LAMB2: variants seen among roughly 807,000 people sequenced by gnomAD.
LAMB2 encodes laminin subunit beta-2.
A neutral mutation model predicts 202.7 loss-of-function variants in LAMB2; 119 were observed. The observed-to-expected ratio is 0.59, with a 90% CI of 0.51 to 0.68. LAMB2 has a LOEUF of 0.68. LAMB2 is among the 30% of genes least tolerant of loss of function. The pLI is 0.00. For synonymous variants in LAMB2, 818 were observed against 902.2 expected (o/e 0.91, Z 1.67); for missense variants, 2,124 against 2,410.6 (o/e 0.88, Z 2.49).
rs760355583 is a variant in LAMB2, at chr3:49,121,511, G to A, written c.5182C>T (p.Gln1728Ter). The A allele has an allele frequency of 5.0e-6, 8 of 1,614,068 alleles. No individual in the cohort carries two copies. The South Asian group carries it at 8.8e-5, about 18-fold the overall frequency. ...TCCCGCAGTTGTTCTGCCCTTGCCT[G>A]TGCAGCCAGCACACCTTGGGCCTTG... Reference protein sequence around the residue: ...ERKAQGVLAAQARAEQLRDEA... With the variant: ...ERKAQGVLAA The change falls in exon 31 of 32, where the codon CAG (glutamine) becomes TAG (stop). Residue 1728 changes from glutamine to a stop codon, truncating the protein, a stop_gained. Coordinates refer to ENST00000305544, the MANE Select transcript of LAMB2 (RefSeq NM_002292.4). LOFTEE classifies it high-confidence loss of function.
Position 49,131,356 on chromosome 3 carries a change from G to T in LAMB2, c.712+23C>A, listed in dbSNP as rs763303351. ...CCCTAGCCGGACACGGACTGTGCCA[G>T]ACTCAAAGGGTGGAGCACTCACTCT... On this transcript the variant is annotated intron_variant, in intron 6 of 31. Transcript: ENST00000305544. This position sits in a 1 kb window ranked among gnomAD's most constrained non-coding sequence, Gnocchi z 5.0. The T allele has an allele frequency of 1.4e-5, 23 of 1,612,530 alleles. No individual in the cohort carries two copies. The South Asian group carries it at 2.3e-4, about 16-fold the overall frequency.
In LAMB2 at chr3:49,129,496, C is replaced by T. The variant is rs1040108937; in HGVS notation, c.1518+108G>A. 8.9e-7 allele frequency: 1 copy of T among 1,118,292 alleles called. No individual in the cohort carries two copies. The highest frequency in any genetic ancestry group is 1.3e-6 in the Non-Finnish European group (1 of 748,942). The allele number at this position is 1,118,292 out of a possible 1,614,324, so 69.3% of individuals were successfully genotyped here. On this transcript the variant is annotated intron_variant, in intron 11 of 31. Coordinates refer to ENST00000305544, the MANE Select transcript of LAMB2 (RefSeq NM_002292.4). The surrounding 1 kb of genome is among the most constrained non-coding windows in gnomAD (Gnocchi z 6.1). Reference sequence around the variant, plus strand: ...CAGACCTGAGGCTTCTCAGCCAGGACTGGATCCTAAGCTCTCAGCACCCAC... The same window carrying T: ...CAGACCTGAGGCTTCTCAGCCAGGATTGGATCCTAAGCTCTCAGCACCCAC...
chr3:49,125,556 CA>C, intron 18 of LAMB2, 72 bp from the exon 19 acceptor site: 1 of 1,416,888 alleles, frequency 7.1e-7, no homozygotes, highest in South Asian at 1.2e-5. Context: ...GGGAGGGTCT[CA>C]GGGGAGTGTG....
In LAMB2 at chr3:49,130,804, A is replaced by T; in HGVS notation, c.972T>A (p.Cys324Ter). ...AGGGCAGGTCACGATAGAAATCCTG[A>T]CACTGCTCGCAGTTGAGGCCACGTG... ...HNTRGLNCEQ[C>*]QDFYRDLPWR... Residue 324 changes from cysteine (C) to a stop codon, truncating the protein, a stop_gained, in exon 8 of 32, where the codon TGT (cysteine) becomes TGA (stop). Transcript: ENST00000305544. LOFTEE classifies it high-confidence loss of function. The surrounding 1 kb of genome is among the most constrained non-coding windows in gnomAD (Gnocchi z 5.0). 1 of 1,614,148 alleles carries T rather than the reference A, an allele frequency of 6.2e-7. No individual in the cohort carries two copies. The highest frequency in any genetic ancestry group is 8.5e-7 in the Non-Finnish European group (1 of 1,180,022).
Position 49,123,060 on chromosome 3 carries a change from G to T in LAMB2, c.4225-8C>A. 6.2e-7 allele frequency: 1 copy of T among 1,606,680 alleles called. No homozygotes were observed. Among genetic ancestry groups the T allele is most frequent in the Non-Finnish European group, 8.5e-7 (1 of 1,179,962 alleles). On this transcript the variant is annotated splice_region_variant and splice_polypyrimidine_tract_variant and intron_variant, in intron 26 of 31. Transcript: ENST00000305544. ...CCCTGGTGCCCCACACACCTGCCAG[G>T]CACAGAACAAGTCAGGGCCCTGTGA...
intron 18 of LAMB2, 60 bp from the exon 19 acceptor site, chr3:49,125,544 G>T (rs966729121): frequency 3.0e-5 from 44 of 1,442,628 alleles, no homozygotes; most frequent in Non-Finnish European, 3.5e-5. Context: ...GAGTGTGGGT[G>T]GGGGAGGGTC....
At chr3:49,128,892 C>G in intron 13 of LAMB2, 73 bp from the exon 14 acceptor site, 4 of 1,600,444 alleles carry the variant, frequency 2.5e-6, no homozygotes, top group Non-Finnish European at 3.4e-6. Context: ...AGCCCCAAAC[C>G]CCATTTCTCC....
chr3:49,132,684 A>G lies in LAMB2; in HGVS notation c.77-21T>C. ...CAGCACTGGGGACAGTAGCTCAGTC[A>G]GTTCCGCTGAGTTCCTATCCAGTGG... On this transcript the variant is annotated intron_variant, in intron 1 of 31. Transcript: ENST00000305544. This position sits in a 1 kb window ranked among gnomAD's most constrained non-coding sequence, Gnocchi z 4.6. 6.2e-7 allele frequency: 1 copy of G among 1,614,150 alleles called. No individual in the cohort carries two copies. The highest frequency in any genetic ancestry group is 1.3e-5 in the African/African-American group (1 of 75,056).
In LAMB2 at chr3:49,123,833, A is replaced by G. The variant is rs778293391; in HGVS notation, c.3692T>C (p.Phe1231Ser). Residue 1231 changes from phenylalanine (F) to serine (S), a missense_variant, in exon 24 of 32, where the codon TTC becomes TCC. This residue lies in a region of LAMB2 where 1,702 missense variants were observed against 1,896.3 expected (regional missense o/e 0.90). Coordinates refer to ENST00000305544, the MANE Select transcript of LAMB2 (RefSeq NM_002292.4). Reference protein sequence around the residue: ...TGVLGAFESSFWHMQEKLGIV... With the variant: ...TGVLGAFESSSWHMQEKLGIV... Reference sequence around the variant, plus strand: ...GCCCAGCTTCTCCTGCATGTGCCAGAAGCTGCTCTCAAAGGCACCCAGCAC... The same window carrying G: ...GCCCAGCTTCTCCTGCATGTGCCAGGAGCTGCTCTCAAAGGCACCCAGCAC... 8.7e-6 allele frequency: 14 copies of G among 1,613,156 alleles called. No homozygotes were observed. The East Asian group carries it at 3.1e-4, about 36-fold the overall frequency.
rs148956392 is a variant in LAMB2 at position 49,130,255 on chromosome 3, G to C, written c.1201C>G (p.Leu401Val). The stretch of plus-strand genomic sequence containing the variant: ...CAGCGGCACACAGCCGGATCCCGCA[G>C]GTCCTTGGTTGGGTCACGGTAGAAG... The part of the protein sequence containing the change: ...PFFYRDPTKD[L>V]RDPAVCRSCD... Residue 401 changes from leucine (L) to valine (V), a missense_variant, in exon 9 of 32, where the codon CTG (leucine) becomes GTG (valine). Transcript: ENST00000305544. The surrounding 1 kb of genome is among the most constrained non-coding windows in gnomAD (Gnocchi z 5.0). 88 of 1,614,238 alleles carry C rather than the reference G, an allele frequency of 5.5e-5. No individual in the cohort carries two copies. The African/African-American group carries it at 8.4e-4, about 15-fold the overall frequency.
Position 49,129,320 on chromosome 3 carries a change from C to T in LAMB2, c.1523G>A (p.Gly508Asp). Reference sequence around the variant, plus strand: ...CAGGTCGTGGCTCAGGCCCCAGTGGCCAGGCTGCACGAAAGGAGTTGCTGG... The same window carrying T: ...CAGGTCGTGGCTCAGGCCCCAGTGGTCAGGCTGCACGAAAGGAGTTGCTGG... ...TGRGCDRCLP[G>D]HWGLSHDLLG... is the part of the protein sequence containing the mutation. The change falls in exon 12 of 32, where the codon GGC (glycine) becomes GAC (aspartate). Residue 508 changes from glycine to aspartate, a missense_variant. Gly to Asp is a moderately conservative substitution (Grantham distance 94, BLOSUM62 -1). Coordinates refer to ENST00000305544, the MANE Select transcript of LAMB2 (RefSeq NM_002292.4). The surrounding 1 kb of genome is among the most constrained non-coding windows in gnomAD (Gnocchi z 6.1). The T allele has an allele frequency of 6.2e-7, 1 of 1,611,964 alleles. No individual in the cohort carries two copies. The highest frequency in any genetic ancestry group is 8.5e-7 in the Non-Finnish European group (1 of 1,179,280).
At position 49,132,874 on chromosome 3, in the gene LAMB2, G is replaced by A. The variant is rs761229276; in HGVS notation, c.-7C>T. On this transcript the variant is annotated 5_prime_UTR_variant, in exon 1 of 32. Transcript: ENST00000305544. This position sits in a 1 kb window ranked among gnomAD's most constrained non-coding sequence, Gnocchi z 4.6. ...CCCTTGAGGTCAGCTCCATCCTGAA[G>A]AGGGGAACAGGGATAAGGGGAGGTG... 1 of 1,613,808 alleles carries A rather than the reference G, an allele frequency of 6.2e-7. No homozygotes were observed. The highest frequency in any genetic ancestry group is 1.7e-5 in the Admixed American group (1 of 60,026).
chr3:49,132,492 T>A lies in LAMB2; in HGVS notation c.248A>T (p.Gln83Leu). The change falls in exon 2 of 32, where the codon CAG (glutamine) becomes CTG (leucine). Residue 83 changes from glutamine (Q) to leucine (L), a missense_variant and splice_region_variant. By Grantham distance (113) the Gln-to-Leu change is moderately radical (BLOSUM62 -2). Transcript: ENST00000305544. The surrounding 1 kb of genome is among the most constrained non-coding windows in gnomAD (Gnocchi z 4.6). ...PQPYCIVSHL[Q>L]DEKKCFLCDS... ...GTCACACCCTGTCCCCAGCCACACC[T>A]GCAGGTGACTGACGATGCAGTAGGG... The A allele has an allele frequency of 6.2e-7, 1 of 1,614,004 alleles. No homozygotes were observed. Among genetic ancestry groups the A allele is most frequent in the Middle Eastern group, 1.6e-4 (1 of 6,062 alleles).
chr3:49,129,376 C>A lies in LAMB2; in HGVS notation c.1519-52G>T, dbSNP rs548581827. On this transcript the variant is annotated intron_variant, in intron 11 of 31. Coordinates refer to ENST00000305544, the MANE Select transcript of LAMB2 (RefSeq NM_002292.4). This position sits in a 1 kb window ranked among gnomAD's most constrained non-coding sequence, Gnocchi z 6.1. ...AGAAACAGACCTCCAGACCCCATCACCACCCAGCAGGAAATCCCAACCACA... is the reference window on the plus strand; with the variant it reads ...AGAAACAGACCTCCAGACCCCATCAACACCCAGCAGGAAATCCCAACCACA... The A allele has an allele frequency of 1.0e-4, 151 of 1,511,704 alleles. No individual in the cohort carries two copies. The highest frequency in any genetic ancestry group is 1.1e-4 in the Non-Finnish European group (124 of 1,094,730). 93.6% of individuals were successfully genotyped at this position (1,511,704 alleles called of 1,614,324 possible).
In LAMB2 at chr3:49,132,654, G is replaced by A. The variant is rs777691402; in HGVS notation, c.86C>T (p.Ala29Val). 21 of 1,614,002 alleles carry A rather than the reference G, an allele frequency of 1.3e-5. No homozygotes were observed. The highest frequency in any genetic ancestry group is 1.7e-5 in the Non-Finnish European group (20 of 1,180,026). The change falls in exon 2 of 32, where the codon GCC (alanine) becomes GTC (valine). Residue 29 changes from alanine to valine, a missense_variant. Physicochemically the swap from Ala to Val is moderately conservative, Grantham distance 64. This residue lies in a region of LAMB2 where 166 missense variants were observed against 158.2 expected (regional missense o/e 1.05). Transcript: ENST00000305544. The surrounding 1 kb of genome is among the most constrained non-coding windows in gnomAD (Gnocchi z 4.6). ...CGGGGCAGGGGCCTGTGCCAGTGTG[G>A]CAGCCAGCACTGGGGACAGTAGCTC... ...RLGLLLSVLA[A>V]TLAQAPAPDV... is the part of the protein sequence containing the mutation.
At position 49,121,776 on chromosome 3, in the gene LAMB2, G is replaced by C; in HGVS notation, c.5008C>G (p.Leu1670Val). Residue 1670 changes from leucine to valine, a missense_variant, in exon 30 of 32, where the codon CTG becomes GTG. Leu to Val is a conservative substitution (Grantham distance 32). Coordinates refer to ENST00000305544, the MANE Select transcript of LAMB2 (RefSeq NM_002292.4). ...CTATTTCCTGCCCGTTTCAATTTCA[G>C]AGCCTCCAGGAGAGCATCCAACTGC... Reference protein sequence around the residue: ...ARQLDALLEALKLKRAGNSLA... With the variant: ...ARQLDALLEAVKLKRAGNSLA... The C allele has an allele frequency of 6.2e-7, 1 of 1,613,476 alleles. No individual in the cohort carries two copies. Among genetic ancestry groups the C allele is most frequent in the Non-Finnish European group, 8.5e-7 (1 of 1,180,022 alleles).
rs763488594 is a variant in LAMB2 at position 49,121,993 on chromosome 3, A to T, written c.4874T>A (p.Ile1625Asn). 2.5e-6 allele frequency: 4 copies of T among 1,613,736 alleles called. No homozygotes were observed. Among genetic ancestry groups the T allele is most frequent in the Non-Finnish European group, 2.5e-6 (3 of 1,180,018 alleles). Residue 1625 changes from isoleucine (I) to asparagine (N), a missense_variant, in exon 29 of 32, where the codon ATC becomes AAC. By Grantham distance (149) the Ile-to-Asn change is moderately radical. Coordinates refer to ENST00000305544, the MANE Select transcript of LAMB2 (RefSeq NM_002292.4). ...QRAQGIAQGAIRGAVADTRDT... is the reference protein window; with the variant it reads ...QRAQGIAQGANRGAVADTRDT... ...CCGTGTGTCAGCCACTGCCCCCCGG[A>T]TGGCACCCTGGGCAATACCCTGTGC...
intron 14 of LAMB2, 23 bp from the exon 15 acceptor site, chr3:49,128,608 G>A: frequency 1.2e-6 from 2 of 1,614,218 alleles, no homozygotes; most frequent in South Asian, 2.2e-5. Flanking sequence ...GATGATGGAG[G>A]AGATGCTCCC....
chr3:49,126,113 C>G lies in LAMB2; in HGVS notation c.2198G>C (p.Gly733Ala). 1 of 1,613,712 alleles carries G rather than the reference C, an allele frequency of 6.2e-7. No individual in the cohort carries two copies. ...RVLVLEMFSG[G>A]DAAALERQAT... Reference sequence around the variant, plus strand: ...CTGGCGCTCCAGGGCAGCAGCATCACCCCCACTAAACATCTCTAGCACCAG... The same window carrying G: ...CTGGCGCTCCAGGGCAGCAGCATCAGCCCCACTAAACATCTCTAGCACCAG... The change falls in exon 17 of 32, where the codon GGT (glycine) becomes GCT (alanine). Residue 733 changes from glycine (G) to alanine (A), a missense_variant. By Grantham distance (60) the Gly-to-Ala change is moderately conservative. Coordinates refer to ENST00000305544, the MANE Select transcript of LAMB2 (RefSeq NM_002292.4).
Sources: allele counts gnomAD v4.1 joint callset, GRCh38; gene constraint gnomAD v4.1.1; regional missense constraint gnomAD v4.1.1; non-coding constraint Gnocchi (gnomAD v3.1); transcripts MANE v1.5; gene names NCBI Gene and HGNC (gene_info 2026-07-23, HGNC 2026-07-21).